DUS2: variants seen among roughly 807,000 people sequenced by gnomAD.
The protein encoded by DUS2 is dihydrouridine synthase 2, also known as tRNA-dihydrouridine(20) synthase [NAD(P)+]-like.
A neutral mutation model predicts 71.3 loss-of-function variants in DUS2; 52 were observed. That is an observed-to-expected ratio of 0.73 (90% CI 0.58 to 0.92). DUS2 has a LOEUF of 0.92. Among genes scored for constraint, DUS2 ranks in the 40% least tolerant of loss-of-function variants. The probability of loss-of-function intolerance (pLI) is 0.00; values close to 1 mark genes in which losing one functional copy is unlikely to be tolerated. For synonymous variants in DUS2, 204 were observed against 227.8 expected (o/e 0.90, Z 0.94); for missense variants, 558 against 622.6 (o/e 0.90, Z 1.10).
At chr16:68,054,640 G>A in intron 6 of DUS2, 23 bp downstream of exon 6, 1 of 1,614,118 alleles carries the variant, frequency 6.2e-7, no homozygotes, top group Non-Finnish European at 8.5e-7. Context: ...TCTGTCTTTA[G>A]CACTGCCTTT....
At chr16:68,053,494 T>A (rs2033808973) in intron 4 of DUS2, 70 bp from the exon 5 acceptor site, 3 of 1,480,014 alleles carry the variant, frequency 2.0e-6, no homozygotes, top group Non-Finnish European at 2.8e-6. Context: ...TGTGTTTTCT[T>A]CCAGGGCTTA....
intron 2 of DUS2, 58 bp downstream of exon 2, chr16:68,025,552 G>A (rs1295202924): frequency 6.6e-6 from 1 of 152,066 alleles, no homozygotes; most frequent in Non-Finnish European, 1.5e-5. Flanking sequence ...TAGGGTAGCT[G>A]GTTAATATAT....
intron 3 of DUS2, among the ~76,000 whole-genome samples, chr16:68,038,360 G>A (rs2033566132): frequency 6.6e-6 from 1 of 152,110 alleles, no homozygotes; most frequent in Non-Finnish European, 1.5e-5. Flanking sequence ...AAGCGTTCTG[G>A]GATACCCTGG....
intron 3 of DUS2, among the ~76,000 whole-genome samples, chr16:68,040,804 C>T (rs1233566437): frequency 2.9e-5 from 4 of 140,066 alleles, no homozygotes; most frequent in Non-Finnish European, 4.6e-5. Context: ...GTACCAGTTG[C>T]GTGGATGTTC....
chr16:68,044,243 A>T (rs1346586121), intron 3 of DUS2, among the ~76,000 whole-genome samples: 1 of 152,108 alleles, frequency 6.6e-6, no homozygotes, highest in Admixed American at 6.6e-5. Context: ...GAATTTTAGG[A>T]TCAGCTGGTC....
rs76350931 is a variant in DUS2, at chr16:68,053,362, C to A, written c.173-202C>A. Among the ~76,000 whole-genome samples the A allele has an allele frequency of 7.8e-3, 1,192 of 152,318 alleles. 20 individuals carry two copies. The highest frequency in any genetic ancestry group is 0.027 in the African/African-American group (1,130 of 41,568). ...CACAAGTAATTGCAAAATGAACAAC[C>A]ATCACCCAGGTCAGGAAATAGACCA... On this transcript the variant is annotated intron_variant, in intron 4 of 16. Transcript: ENST00000565263.
chr16:68,060,295 G>C (rs2033920783), intron 7 of DUS2, among the ~76,000 whole-genome samples: 2 of 152,042 alleles, frequency 1.3e-5, no homozygotes, highest in Admixed American at 1.3e-4. Context: ...TTACCAAGGG[G>C]ATCAGAATGA....
intron 1 of DUS2, among the ~76,000 whole-genome samples, chr16:68,024,564 CTT>C (rs1008901624): frequency 2.0e-5 from 3 of 152,026 alleles, no homozygotes; most frequent in Admixed American, 2.0e-4. Flanking sequence ...AAGATAAAAA[CTT>C]TGCTTTTTTT....
At chr16:68,060,489 T>C (rs1246417548) in intron 7 of DUS2, among the ~76,000 whole-genome samples, 1 of 152,106 alleles carries the variant, frequency 6.6e-6, no homozygotes, top group Non-Finnish European at 1.5e-5. Flanking sequence ...AATTTTTGTA[T>C]TTTTGGTAGA....
chr16:68,075,581 T>G, intron 14 of DUS2, 77 bp downstream of exon 14: 1 of 1,410,948 alleles, frequency 7.1e-7, no homozygotes, highest in South Asian at 1.5e-5. Context: ...CACTGGCTGC[T>G]GTATGTGCTT....
rs572383079 is a variant in DUS2 at position 68,037,186 on chromosome 16, A to G, written c.-18-820A>G. Among the ~76,000 whole-genome samples the G allele has an allele frequency of 7.5e-5, 11 of 146,662 alleles. No homozygotes were observed. The East Asian group carries it at 1.6e-3, about 21-fold the overall frequency. On this transcript the variant is annotated intron_variant, in intron 2 of 16. Coordinates refer to ENST00000565263, the MANE Select transcript of DUS2 (RefSeq NM_017803.5). Reference sequence around the variant, plus strand: ...TTGTCTGTTTTTTTTTTTTTTCTCTAATGTATCCCAGGAGACTGGGTCAGT... The same window carrying G: ...TTGTCTGTTTTTTTTTTTTTTCTCTGATGTATCCCAGGAGACTGGGTCAGT...
At chr16:68,039,407 G>A (rs749839209) in intron 3 of DUS2, among the ~76,000 whole-genome samples, 2 of 151,856 alleles carry the variant, frequency 1.3e-5, no homozygotes, top group Admixed American at 6.6e-5. Flanking sequence ...GCAACATAGC[G>A]AGACCCTGTT....
rs1311819834 is a variant in DUS2 at position 68,070,929 on chromosome 16, T to C, written c.642-11T>C. On this transcript the variant is annotated splice_polypyrimidine_tract_variant and intron_variant, in intron 11 of 16. Transcript: ENST00000565263. ...GATGGGGACACCCCTAACCCTCTGG[T>C]TGCTTTTTAGCGGAGGATCTCATGA... is the stretch of plus-strand genomic sequence containing the variant. 3.1e-6 allele frequency: 5 copies of C among 1,613,532 alleles called. No homozygotes were observed. The highest frequency in any genetic ancestry group is 4.2e-6 in the Non-Finnish European group (5 of 1,179,592).
chr16:68,027,579 T>C (rs2033371694), intron 2 of DUS2, among the ~76,000 whole-genome samples: 1 of 152,212 alleles, frequency 6.6e-6, no homozygotes, highest in South Asian at 2.1e-4. Context: ...ACTAAGCATC[T>C]ACCATATGCC....
chr16:68,053,912 T>C (rs1348587445), intron 5 of DUS2: 5 of 456,278 alleles, frequency 1.1e-5, no homozygotes, highest in Non-Finnish European at 2.0e-5. Context: ...GTAGGAATTG[T>C]CTGTTTGGCA....
At chr16:68,024,696 A>G (rs2151405311) in intron 1 of DUS2, among the ~76,000 whole-genome samples, 1 of 152,274 alleles carries the variant, frequency 6.6e-6, no homozygotes, top group South Asian at 2.1e-4. Flanking sequence ...TTTCTCCACA[A>G]GAAAATATCT....
At position 68,070,123 on chromosome 16, in the gene DUS2, C is replaced by A. The variant is rs774037010; in HGVS notation, c.555-11C>A. The A allele has an allele frequency of 6.8e-6, 11 of 1,613,780 alleles. 1 individual carries two copies. The South Asian group carries it at 1.1e-4, about 16-fold the overall frequency. Reference sequence around the variant, plus strand: ...GTGCTTAGCCCTCAGCCCCATCTTTCTATCTCCAAGGAAGCGGGAGGAGCG... The same window carrying A: ...GTGCTTAGCCCTCAGCCCCATCTTTATATCTCCAAGGAAGCGGGAGGAGCG... On this transcript the variant is annotated splice_polypyrimidine_tract_variant and intron_variant, in intron 10 of 16. Transcript: ENST00000565263.
intron 3 of DUS2, among the ~76,000 whole-genome samples, chr16:68,042,264 C>T (rs933706665): frequency 7.2e-5 from 11 of 152,130 alleles, no homozygotes; most frequent in African/African-American, 1.9e-4. Context: ...TCCATTCATC[C>T]GTTAATGGCC....
intron 3 of DUS2, among the ~76,000 whole-genome samples, chr16:68,045,359 A>C (rs1268405684): frequency 6.6e-6 from 1 of 151,774 alleles, no homozygotes; most frequent in Admixed American, 6.6e-5. Context: ...TAATCCCAGC[A>C]CTTTGGGAGA....
Sources: gnomAD v4.1 joint callset for allele counts (sites outside exome capture counted in the v4.1 genomes callset) on GRCh38, gnomAD v4.1.1 for gene constraint, MANE v1.5 for transcripts, NCBI Gene and HGNC (gene_info 2026-07-23, HGNC 2026-07-21) for gene names.